The following TEX2 variants were observed in gnomAD, a reference collection of about 807,000 sequenced individuals.
TEX2 encodes the protein testis-expressed protein 2.
TEX2 carries 53 observed loss-of-function variants against 106.9 expected under a neutral mutation model. The ratio of observed to expected loss-of-function variants is 0.50; its 90% CI spans 0.40 to 0.62. The LOEUF is 0.62. Ranked by LOEUF, TEX2 falls within the 20% of genes least tolerant of loss-of-function variation. TEX2 has a pLI of 0.00. For missense variants in TEX2, 1,207 were observed against 1,379.0 expected, an observed-to-expected ratio of 0.88 and a Z score of 1.98; for synonymous variants, 523 against 534.8, an observed-to-expected ratio of 0.98 and a Z score of 0.30.
chr17:64,193,031 T>C (rs1550794), intron 4 of TEX2, among the ~76,000 whole-genome samples: 82,561 of 151,982 alleles, frequency 0.54, 24,150 homozygotes, highest in East Asian at 0.83. Flanking sequence ...GGGGAGCTAC[T>C]GCTTTTTACT....
intron 2 of TEX2, among the ~76,000 whole-genome samples, chr17:64,197,345 T>A (rs782421908): frequency 2.0e-5 from 3 of 152,120 alleles, no homozygotes; most frequent in Non-Finnish European, 4.4e-5. Flanking sequence ...TGAGTAAGCT[T>A]TGGTTTGTAT....
intron 2 of TEX2, among the ~76,000 whole-genome samples, chr17:64,209,364 C>A (rs979630989): frequency 7.9e-5 from 12 of 152,096 alleles, no homozygotes; most frequent in African/African-American, 2.9e-4. Flanking sequence ...TGCATTCAGC[C>A]CAGTTTCTAA....
At chr17:64,151,268 T>G (rs2030341053) in intron 10 of TEX2, among the ~76,000 whole-genome samples, 1 of 152,116 alleles carries the variant, frequency 6.6e-6, no homozygotes, top group Non-Finnish European at 1.5e-5. Flanking sequence ...GGCAATAACC[T>G]TTTTTCTTTC....
intron 8 of TEX2, 121 bp from the exon 9 acceptor site, chr17:64,155,088 A>C (rs2030555770): frequency 8.2e-7 from 1 of 1,225,238 alleles, no homozygotes; most frequent in African/African-American, 1.6e-5. Context: ...ACTGTTAACT[A>C]CATCTCGTCA....
intron 4 of TEX2, 51 bp from the exon 5 acceptor site, chr17:64,188,466 A>G (rs763208865): frequency 1.3e-6 from 2 of 1,520,394 alleles, no homozygotes; most frequent in East Asian, 4.8e-5. Context: ...AACAACTGCA[A>G]AGTAAGCGGA....
At chr17:64,241,470 G>C (rs1184751980) in intron 1 of TEX2, among the ~76,000 whole-genome samples, 1 of 152,104 alleles carries the variant, frequency 6.6e-6, no homozygotes, top group Non-Finnish European at 1.5e-5. Context: ...GTGAAAAGAA[G>C]CCTCACTGAA....
intron 1 of TEX2, among the ~76,000 whole-genome samples, chr17:64,239,654 T>C (rs781816371): frequency 6.6e-6 from 1 of 152,032 alleles, no homozygotes; most frequent in Non-Finnish European, 1.5e-5. Flanking sequence ...GACAGGCAGA[T>C]CACCTGAGGT....
intron 4 of TEX2, among the ~76,000 whole-genome samples, chr17:64,188,743 G>A (rs12944252): frequency 0.54 from 81,817 of 150,602 alleles, 23,899 homozygotes; most frequent in East Asian, 0.82. Flanking sequence ...GTGAACCCAG[G>A]AGGTGGAGCT....
chr17:64,187,349 G>A (rs1030814390), intron 5 of TEX2, among the ~76,000 whole-genome samples: 1 of 152,254 alleles, frequency 6.6e-6, no homozygotes, highest in Non-Finnish European at 1.5e-5. Flanking sequence ...ACAACCCCTA[G>A]TGATCATCCA....
In TEX2 at chr17:64,227,633, A is replaced by G. The variant is rs149969377; in HGVS notation, c.-25-13391T>C. Among the ~76,000 whole-genome samples the G allele has an allele frequency of 3.0e-4, 46 of 152,336 alleles. No individual in the cohort carries two copies. In the East Asian group the frequency reaches 6.4e-3, roughly 21 times the overall value. On this transcript the variant is annotated intron_variant, in intron 1 of 11. Coordinates refer to ENST00000584379, the MANE Select transcript of TEX2 (RefSeq NM_001288732.2). ...ACTCATTTTTATTAAATGAGGACAC[A>G]CTGTATGTATGTATGTAATCTGCTT...
chr17:64,261,566 A>G (rs901151347), intron 1 of TEX2, among the ~76,000 whole-genome samples: 9 of 152,124 alleles, frequency 5.9e-5, no homozygotes, highest in Non-Finnish European at 1.3e-4. Context: ...GCTTGTCAGT[A>G]GACTCAATTA....
chr17:64,150,757 C>G, intron 11 of TEX2, 84 bp downstream of exon 11: 1 of 1,460,062 alleles, frequency 6.8e-7, no homozygotes, highest in African/African-American at 1.4e-5. Flanking sequence ...AAAGAGGATC[C>G]TGACCCAGCT....
intron 2 of TEX2, among the ~76,000 whole-genome samples, chr17:64,211,987 C>T (rs1880590): frequency 0.58 from 88,527 of 152,068 alleles, 26,985 homozygotes; most frequent in East Asian, 0.84. Context: ...TCTCAATCGA[C>T]AGATTAGACA....
intron 7 of TEX2, among the ~76,000 whole-genome samples, chr17:64,163,579 G>C (rs934146486): frequency 6.6e-6 from 1 of 152,220 alleles, no homozygotes; most frequent in Non-Finnish European, 1.5e-5. Context: ...ATTTGCTTTT[G>C]TAACAATGAT....
Position 64,196,982 on chromosome 17 carries a change from ATTTTTT to A in TEX2, c.1645-1893_1645-1888del, listed in dbSNP as rs59960456. Among the ~76,000 whole-genome samples, 72 of 63,576 alleles carry A rather than the reference ATTTTTT, an allele frequency of 1.1e-3. 2 individuals carry two copies. The South Asian group carries it at 0.028, about 25-fold the overall frequency. The allele number at this position is 63,576 out of a possible 152,430, so 41.7% of individuals were successfully genotyped here. ...GAAATCAGGGAATAGTCAAATCAAGATTTTTTTTTTTTTTTTTTTTTTTTGGAGAGC... is the reference window on the plus strand; with the variant it reads ...GAAATCAGGGAATAGTCAAATCAAGATTTTTTTTTTTTTTTTTTGGAGAGC... On this transcript the variant is annotated intron_variant, in intron 2 of 11. Coordinates refer to ENST00000584379, the MANE Select transcript of TEX2 (RefSeq NM_001288732.2).
chr17:64,225,192 C>T (rs1598203360), intron 1 of TEX2, among the ~76,000 whole-genome samples: 1 of 151,984 alleles, frequency 6.6e-6, no homozygotes. Context: ...TGGCTCAAGC[C>T]TGTAATTCCA....
chr17:64,230,235 T>G (rs141974866), intron 1 of TEX2, among the ~76,000 whole-genome samples: 88 of 152,196 alleles, frequency 5.8e-4, no homozygotes, highest in African/African-American at 2.0e-3. Context: ...GGTGGAAGGT[T>G]TCCCAGGGGC....
rs964392176 is a variant in TEX2, at chr17:64,195,286, T to C, written c.1645-191A>G. The stretch of plus-strand genomic sequence containing the variant: ...AGGATAACTGGAACTGAGGAGGTTT[T>C]TGATAACCAAAAATCTGGATTTGGA... On this transcript the variant is annotated intron_variant, in intron 2 of 11. Coordinates refer to ENST00000584379, the MANE Select transcript of TEX2 (RefSeq NM_001288732.2). This position sits in a 1 kb window ranked among gnomAD's most constrained non-coding sequence, Gnocchi z 4.1. 2.6e-5 allele frequency among the ~76,000 whole-genome samples: 4 copies of C among 152,192 alleles called. No individual in the cohort carries two copies. The highest frequency in any genetic ancestry group is 7.2e-5 in the African/African-American group (3 of 41,444).
chr17:64,235,212 G>A (rs2033741644), intron 1 of TEX2, among the ~76,000 whole-genome samples: 1 of 152,102 alleles, frequency 6.6e-6, no homozygotes, highest in Non-Finnish European at 1.5e-5. Context: ...TTTAATACAC[G>A]AGGAAAAAGA....
Sources: gnomAD v4.1 joint callset for allele counts (sites outside exome capture counted in the v4.1 genomes callset) on GRCh38, gnomAD v4.1.1 for gene constraint, Gnocchi (gnomAD v3.1) non-coding constraint, MANE v1.5 for transcripts, NCBI Gene and HGNC (gene_info 2026-07-23, HGNC 2026-07-21) for gene names.